The following CHD6 variants were observed in gnomAD, a reference collection of about 807,000 sequenced individuals.
CHD6 encodes the protein ATP-dependent chromatin remodeler CHD6.
A neutral mutation model predicts 276.9 loss-of-function variants in CHD6; 50 were observed. The ratio of observed to expected loss-of-function variants is 0.18; its 90% CI spans 0.14 to 0.23. The LOEUF (loss-of-function observed/expected upper bound fraction) is 0.23, where lower values mean the gene tolerates loss of function less well. Ranked by LOEUF, CHD6 falls within the 10% of genes least tolerant of loss-of-function variation. The pLI, the probability that CHD6 is intolerant of heterozygous loss-of-function variation, is 1.00. For missense variants in CHD6, 2,564 were observed against 3,365.8 expected (o/e 0.76, Z 5.89); for synonymous variants, 1,173 against 1,229.3 (o/e 0.95, Z 0.96).
intron 25 of CHD6, among the ~76,000 whole-genome samples, chr20:41,443,548 G>A (rs1202151400): frequency 2.0e-5 from 3 of 152,188 alleles, no homozygotes; most frequent in East Asian, 3.9e-4. Context: ...CACAGACTGT[G>A]TGTGATATTG....
At chr20:41,447,818 C>T in intron 24 of CHD6, 64 bp downstream of exon 24, 1 of 1,245,480 alleles carries the variant, frequency 8.0e-7, no homozygotes, top group Admixed American at 1.9e-5. Context: ...GTTTGGCCAG[C>T]TCCATGAATA....
intron 5 of CHD6, among the ~76,000 whole-genome samples, chr20:41,503,455 T>C (rs1184425607): frequency 3.9e-5 from 6 of 152,316 alleles, no homozygotes; most frequent in South Asian, 4.1e-4. Flanking sequence ...AGGTCCTACA[T>C]TGTATTTCTG....
rs1339467079 is a variant in CHD6, at chr20:41,403,616, CAA to C, written c.*975_*976del. 9 of 1,062,184 alleles carry C rather than the reference CAA, an allele frequency of 8.5e-6. No homozygotes were observed. Among genetic ancestry groups the C allele is most frequent in the Non-Finnish European group, 1.0e-5 (9 of 877,442 alleles). The allele number at this position is 1,062,184 out of a possible 1,614,324, so 65.8% of individuals were successfully genotyped here. Reference sequence around the variant, plus strand: ...GATCAAAGGACCTACTAGCAAGTGTCAAAGTGTTGGGCAACTGTCTTCTTGCA... The same window carrying C: ...GATCAAAGGACCTACTAGCAAGTGTCAGTGTTGGGCAACTGTCTTCTTGCA... On this transcript the variant is annotated 3_prime_UTR_variant, in exon 37 of 37. Coordinates refer to ENST00000373233, the MANE Select transcript of CHD6 (RefSeq NM_032221.5).
intron 1 of CHD6, among the ~76,000 whole-genome samples, chr20:41,591,923 C>G (rs2045666185): frequency 6.6e-6 from 1 of 152,078 alleles, no homozygotes; most frequent in South Asian, 2.1e-4. Context: ...GACAGTGAAA[C>G]CCCGTCTCTA....
intron 27 of CHD6, among the ~76,000 whole-genome samples, chr20:41,429,490 G>A (rs1040317525): frequency 6.6e-6 from 1 of 152,080 alleles, no homozygotes; most frequent in African/African-American, 2.4e-5. Flanking sequence ...CATTTTAAGA[G>A]GACAACAACC....
At chr20:41,560,448 C>A (rs192654146) in intron 1 of CHD6, among the ~76,000 whole-genome samples, 156 of 152,316 alleles carry the variant, frequency 1.0e-3, no homozygotes, top group Non-Finnish European at 2.0e-3. Context: ...TCCGGGATGT[C>A]TTCCCTGACC....
chr20:41,511,215 C>A (rs1175809291), intron 5 of CHD6, among the ~76,000 whole-genome samples: 1 of 152,210 alleles, frequency 6.6e-6, no homozygotes, highest in East Asian at 1.9e-4. Context: ...ATAAGACACA[C>A]TAGCATCCAG....
intron 35 of CHD6, 36 bp downstream of exon 35, chr20:41,413,287 TA>T (rs775915855): frequency 1.4e-6 from 2 of 1,476,696 alleles, no homozygotes; most frequent in Non-Finnish European, 1.8e-6. Flanking sequence ...CAGCAGGAAG[TA>T]AACAGTGATC....
At chr20:41,412,500 A>T (rs2046870244) in intron 35 of CHD6, among the ~76,000 whole-genome samples, 2 of 152,166 alleles carry the variant, frequency 1.3e-5, no homozygotes, top group Non-Finnish European at 2.9e-5. Context: ...CGCCCTCCAG[A>T]CTAGAACACC....
intron 31 of CHD6, 110 bp from the exon 32 acceptor site, chr20:41,417,459 T>A: frequency 3.4e-6 from 3 of 886,312 alleles, no homozygotes; most frequent in Non-Finnish European, 5.0e-6. Flanking sequence ...ATTAGCTCAT[T>A]CTGTGCTATT....
rs910813497 is a variant in CHD6, at chr20:41,403,196, A to G, written c.*1397T>C. 3.2e-6 allele frequency: 3 copies of G among 939,754 alleles called. No homozygotes were observed. The Admixed American group carries it at 1.6e-4, about 51-fold the overall frequency. 58.2% of individuals were successfully genotyped at this position (939,754 alleles called of 1,614,324 possible). Reference sequence around the variant, plus strand: ...AAAGTAAAAAATACAGTAAATTGTGACAACAAAAAGTGAAACTGGTACTAG... The same window carrying G: ...AAAGTAAAAAATACAGTAAATTGTGGCAACAAAAAGTGAAACTGGTACTAG... On this transcript the variant is annotated 3_prime_UTR_variant, in exon 37 of 37. Transcript: ENST00000373233.
intron 5 of CHD6, among the ~76,000 whole-genome samples, chr20:41,507,387 CA>C (rs1377240314): frequency 8.2e-6 from 1 of 121,678 alleles, no homozygotes; most frequent in Admixed American, 8.3e-5. Flanking sequence ...AGTAAAATTT[CA>C]ATTTTTTTTT....
chr20:41,589,387 G>T (rs946122669), intron 1 of CHD6, among the ~76,000 whole-genome samples: 13 of 152,258 alleles, frequency 8.5e-5, no homozygotes, highest in African/African-American at 2.9e-4. Context: ...GCAGGAGAAA[G>T]AAATAAAGGG....
intron 36 of CHD6, 83 bp from the exon 37 acceptor site, chr20:41,405,572 T>C (rs2145356805): frequency 9.4e-7 from 1 of 1,066,032 alleles, no homozygotes; most frequent in Non-Finnish European, 1.4e-6. Flanking sequence ...GGCTCTGCAC[T>C]GGCCTGGCCT....
chr20:41,467,777 A>G (rs1340533774), intron 17 of CHD6, among the ~76,000 whole-genome samples: 1 of 150,526 alleles, frequency 6.6e-6, no homozygotes, highest in Admixed American at 6.6e-5. Context: ...ACAGAATGGG[A>G]AAGGGGTGCT....
chr20:41,600,506 G>C (rs2045763249), intron 1 of CHD6, among the ~76,000 whole-genome samples: 1 of 152,114 alleles, frequency 6.6e-6, no homozygotes, highest in African/African-American at 2.4e-5. Flanking sequence ...GTTGATCTGA[G>C]GGTGGCAGTT....
At chr20:41,428,779 C>T (rs1463852012) in intron 27 of CHD6, among the ~76,000 whole-genome samples, 2 of 152,186 alleles carry the variant, frequency 1.3e-5, no homozygotes, top group African/African-American at 4.8e-5. Flanking sequence ...GGAGATAGCA[C>T]TCTTGTGTCC....
intron 1 of CHD6, among the ~76,000 whole-genome samples, chr20:41,558,131 C>T (rs1371814069): frequency 2.6e-5 from 4 of 152,156 alleles, no homozygotes; most frequent in Non-Finnish European, 5.9e-5. Context: ...GGTAAGAAAT[C>T]CCCCAACTTC....
chr20:41,453,991 C>T (rs933542743), intron 20 of CHD6, among the ~76,000 whole-genome samples: 1 of 152,054 alleles, frequency 6.6e-6, no homozygotes, highest in Non-Finnish European at 1.5e-5. Flanking sequence ...GTGACAGGGT[C>T]AGAGATGAAG....
Sources: gnomAD v4.1 joint callset for allele counts (sites outside exome capture counted in the v4.1 genomes callset) on GRCh38, gnomAD v4.1.1 for gene constraint, MANE v1.5 for transcripts, NCBI Gene and HGNC (gene_info 2026-07-23, HGNC 2026-07-21) for gene names.